Variants in ZC3H12B observed in about 807,000 individuals in gnomAD.
The protein encoded by ZC3H12B is probable ribonuclease ZC3H12B.
In ZC3H12B, 7 loss-of-function variants were observed where a neutral mutation model predicts 43.9. The ratio of observed to expected loss-of-function variants is 0.16; its 90% CI spans 0.09 to 0.30. ZC3H12B has a LOEUF of 0.30. Among genes scored for constraint, ZC3H12B ranks in the 10% least tolerant of loss-of-function variants. The probability of loss-of-function intolerance (pLI) is 1.00; values close to 1 mark genes in which losing one functional copy is unlikely to be tolerated. For synonymous variants in ZC3H12B, 222 were observed against 241.7 expected (o/e 0.92, Z 0.76); for missense variants, 475 against 670.2 (o/e 0.71, Z 3.22).
the ZC3H12B span, among the ~76,000 whole-genome samples, chrX:65,345,439 C>T: frequency 1.8e-5 from 2 of 111,598 alleles, no homozygotes; most frequent in African/African-American, 6.5e-5. Flanking sequence ...AGCAAACTTA[C>T]ACAGAAACAG....
the ZC3H12B span, among the ~76,000 whole-genome samples, chrX:65,065,698 G>A: frequency 5.4e-5 from 6 of 111,567 alleles, no homozygotes; most frequent in Admixed American, 2.9e-4. Context: ...GTCTTGCCAG[G>A]TAGGGGCAGT....
the ZC3H12B span, among the ~76,000 whole-genome samples, chrX:65,237,714 GTTA>G: frequency 2.7e-5 from 3 of 111,085 alleles, no homozygotes; most frequent in African/African-American, 9.8e-5. Context: ...ATATATGGCT[GTTA>G]TTATTTTGAG....
At chrX:65,463,164 G>A (rs1283853350) in intron 3 of ZC3H12B, among the ~76,000 whole-genome samples, 1 of 111,754 alleles carries the variant, frequency 8.9e-6, no homozygotes, top group African/African-American at 3.3e-5. Flanking sequence ...TAACTCTTGA[G>A]TACTATGCTC....
chrX:65,035,486 A>G, the ZC3H12B span, among the ~76,000 whole-genome samples: 1 of 112,005 alleles, frequency 8.9e-6, no homozygotes, highest in Non-Finnish European at 1.9e-5. Context: ...TGGGTGCTTA[A>G]GGCCTGGCTT....
At chrX:65,259,667 C>T in the ZC3H12B span, among the ~76,000 whole-genome samples, 7 of 111,840 alleles carry the variant, frequency 6.3e-5, no homozygotes, top group East Asian at 1.7e-3. Flanking sequence ...TGTAGAGATT[C>T]CTTTAAAGAA....
the ZC3H12B span, among the ~76,000 whole-genome samples, chrX:65,225,296 C>T: frequency 8.9e-6 from 1 of 112,571 alleles, no homozygotes; most frequent in African/African-American, 3.2e-5. Context: ...CAAACTCCAA[C>T]AGACCTGCAG....
chrX:65,102,153 G>T, the ZC3H12B span, among the ~76,000 whole-genome samples: 1 of 111,081 alleles, frequency 9.0e-6, no homozygotes, highest in Non-Finnish European at 1.9e-5. Context: ...AGCTCAATAG[G>T]TGAAAAAAAG....
the ZC3H12B span, among the ~76,000 whole-genome samples, chrX:65,304,210 A>C: frequency 0.01 from 1,137 of 112,233 alleles, 51 homozygotes; most frequent in East Asian, 0.2. Context: ...GTTCAGAAAT[A>C]GGCTTACATA....
chrX:65,269,823 A>T, the ZC3H12B span, among the ~76,000 whole-genome samples: 1 of 111,627 alleles, frequency 9.0e-6, no homozygotes, highest in South Asian at 3.7e-4. Context: ...TTTAAAAAAA[A>T]GGAAGTGAAA....
chrX:65,233,893 C>T, the ZC3H12B span, among the ~76,000 whole-genome samples: 8 of 111,477 alleles, frequency 7.2e-5, no homozygotes, highest in Non-Finnish European at 1.9e-5. Flanking sequence ...AGAGACATTA[C>T]AGCGGATACC....
the ZC3H12B span, among the ~76,000 whole-genome samples, chrX:65,129,523 A>C: frequency 1.8e-5 from 2 of 108,991 alleles, no homozygotes; most frequent in Non-Finnish European, 3.8e-5. Context: ...TCAGTGGGGG[A>C]GCTTCTGAGC....
the ZC3H12B span, among the ~76,000 whole-genome samples, chrX:65,103,590 C>T: frequency 9.0e-6 from 1 of 111,524 alleles, no homozygotes; most frequent in African/African-American, 3.3e-5. Context: ...TGATAATGTC[C>T]GTGAAATCTG....
At chrX:65,473,220 T>A (rs1461207742) in intron 3 of ZC3H12B, among the ~76,000 whole-genome samples, 2 of 108,422 alleles carry the variant, frequency 1.8e-5, no homozygotes, top group Non-Finnish European at 3.8e-5. Context: ...TTCACCATGT[T>A]GGCCAGGCTG....
At chrX:65,499,824 C>T (rs2068340956) in intron 3 of ZC3H12B, 59 bp from the exon 9 acceptor site, 1 of 981,788 alleles carries the variant, frequency 1.0e-6, no homozygotes, top group Non-Finnish European at 1.4e-6. Flanking sequence ...AATCTGAACT[C>T]CTAGTAAGGA....
chrX:65,160,510 A>T, the ZC3H12B span, among the ~76,000 whole-genome samples: 122 of 111,608 alleles, frequency 1.1e-3, no homozygotes, highest in Non-Finnish European at 1.7e-3. Context: ...GTGTCGAGGA[A>T]TTTATCCATT....
the ZC3H12B span, among the ~76,000 whole-genome samples, chrX:65,266,855 T>C: frequency 9.0e-6 from 1 of 110,639 alleles, no homozygotes; most frequent in South Asian, 3.8e-4. Context: ...GATTTAAAGG[T>C]ACAAATATTG....
upstream of ZC3H12B, among the ~76,000 whole-genome samples, chrX:65,365,481 C>T (rs185181375): frequency 2.7e-5 from 3 of 110,849 alleles, no homozygotes; most frequent in Non-Finnish European, 5.7e-5. Flanking sequence ...CCCCTTACCA[C>T]GAAATCTTCC....
the ZC3H12B span, among the ~76,000 whole-genome samples, chrX:65,317,348 A>C: frequency 9.0e-6 from 1 of 110,783 alleles, no homozygotes; most frequent in Admixed American, 9.6e-5. Context: ...AACTGCATAC[A>C]ATTACATGGA....
the ZC3H12B span, among the ~76,000 whole-genome samples, chrX:65,138,629 G>A: frequency 1.8e-5 from 2 of 111,498 alleles, no homozygotes; most frequent in East Asian, 5.6e-4. Context: ...AAATTATATG[G>A]TCATTTTATT....
Sources: allele counts gnomAD v4.1 joint callset (sites outside exome capture counted in the v4.1 genomes callset), GRCh38; gene constraint gnomAD v4.1.1; transcripts MANE v1.5; gene names NCBI Gene and HGNC (gene_info 2026-07-23, HGNC 2026-07-21).